The following TLN2 variants were observed in gnomAD, a reference collection of about 807,000 sequenced individuals.
The protein encoded by TLN2 is talin 2.
Under a neutral mutation model 294.7 loss-of-function variants are expected in TLN2, and 118 were observed. The observed-to-expected ratio is 0.40, with a 90% CI of 0.34 to 0.47. The LOEUF (loss-of-function observed/expected upper bound fraction) is 0.47. TLN2 is among the 20% of genes least tolerant of loss of function. The pLI, the probability that TLN2 is intolerant of heterozygous loss-of-function variation, is 0.84. For missense variants in TLN2, 3,083 were observed against 3,282.2 expected (o/e 0.94, Z 1.48); for synonymous variants, 1,431 against 1,304.5 (o/e 1.10, Z -2.09).
chr15:62,492,892 T>A (rs1176039171), intron 1 of TLN2, among the ~76,000 whole-genome samples: 1 of 152,222 alleles, frequency 6.6e-6, no homozygotes, highest in East Asian at 1.9e-4. Flanking sequence ...AAGAGGATTT[T>A]CAATGCTGCT....
In TLN2 at chr15:62,841,573, C is replaced by T. The variant is rs183900451; in HGVS notation, c.*963C>T. 2.0e-5 allele frequency: 3 copies of T among 152,266 alleles called. No individual in the cohort carries two copies. The highest frequency in any genetic ancestry group is 1.9e-4 in the East Asian group (1 of 5,188). 9.4% of individuals were successfully genotyped at this position (152,266 alleles called of 1,614,324 possible). A position where few individuals can be genotyped will look rare whatever the true frequency, so the allele number is the denominator to read the frequency against. On this transcript the variant is annotated 3_prime_UTR_variant, in exon 59 of 59. Coordinates refer to ENST00000636159, the MANE Select transcript of TLN2 (RefSeq NM_015059.3). ...ATCTGCTTACAAACCTGTCCCCTGT[C>T]CTCCAACCCAAAACGCCTTTTTTTC...
intron 42 of TLN2, among the ~76,000 whole-genome samples, chr15:62,775,599 A>T (rs1285078273): frequency 6.6e-6 from 1 of 152,234 alleles, no homozygotes; most frequent in Non-Finnish European, 1.5e-5. Flanking sequence ...AGACATGGCC[A>T]GTTCCTGTGG....
rs769369365 is a variant in TLN2, at chr15:62,653,350, C to T, written c.517+36C>T. The T allele has an allele frequency of 1.9e-6, 3 of 1,583,094 alleles. No homozygotes were observed. In the East Asian group the frequency reaches 6.8e-5, roughly 36 times the overall value. ...GCAGAGGAAGCATGATACAGACACA[C>T]AGGCTTTGCTAAGCCTCACTTCCCT... On this transcript the variant is annotated intron_variant, in intron 7 of 58. Coordinates refer to ENST00000636159, the MANE Select transcript of TLN2 (RefSeq NM_015059.3).
rs150006326 is a variant in TLN2 at position 62,478,133 on chromosome 15, A to G, written c.-238+87448A>G. 3.2e-4 allele frequency among the ~76,000 whole-genome samples: 49 copies of G among 152,316 alleles called. 1 individual carries two copies. The East Asian group carries it at 6.2e-3, about 19-fold the overall frequency. On this transcript the variant is annotated intron_variant, in intron 1 of 58. Coordinates refer to ENST00000636159, the MANE Select transcript of TLN2 (RefSeq NM_015059.3). ...TGTAACTTAACCCTCCCTGCAGCCC[A>G]GGAGGCAGGTGCAGCCTCTGATTTA...
intron 14 of TLN2, among the ~76,000 whole-genome samples, chr15:62,695,060 A>G (rs1010992563): frequency 2.6e-5 from 4 of 152,226 alleles, no homozygotes; most frequent in African/African-American, 9.7e-5. Flanking sequence ...TATTATAACT[A>G]TCATCCTCAT....
intron 53 of TLN2, among the ~76,000 whole-genome samples, chr15:62,820,024 A>G (rs1053645611): frequency 3.3e-5 from 5 of 152,214 alleles, no homozygotes; most frequent in Admixed American, 2.6e-4. Context: ...CATAGAAGCA[A>G]TCAACCCACC....
At chr15:62,565,852 C>T (rs1321145700) in intron 1 of TLN2, among the ~76,000 whole-genome samples, 3 of 152,060 alleles carry the variant, frequency 2.0e-5, no homozygotes, top group Admixed American at 6.6e-5. Flanking sequence ...GCATTTGGCC[C>T]TGGCATAGCA....
At chr15:62,428,436 C>T (rs2034834241) in intron 1 of TLN2, among the ~76,000 whole-genome samples, 1 of 152,168 alleles carries the variant, frequency 6.6e-6, no homozygotes, top group Non-Finnish European at 1.5e-5. Flanking sequence ...TAATGTTTGT[C>T]CCTCTAGAAT....
At chr15:62,471,363 G>A (rs577737334) in intron 1 of TLN2, among the ~76,000 whole-genome samples, 70 of 152,298 alleles carry the variant, frequency 4.6e-4, no homozygotes, top group Admixed American at 4.6e-4. Flanking sequence ...ACACAAAATT[G>A]TTGCCATACT....
chr15:62,825,304 C>T (rs1208857497), intron 54 of TLN2, among the ~76,000 whole-genome samples: 1 of 152,080 alleles, frequency 6.6e-6, no homozygotes, highest in South Asian at 2.1e-4. Context: ...CAAGTTATTA[C>T]GAACAAAGAA....
intron 1 of TLN2, among the ~76,000 whole-genome samples, chr15:62,569,616 C>G (rs1393018428): frequency 6.6e-6 from 1 of 152,200 alleles, no homozygotes; most frequent in Non-Finnish European, 1.5e-5. Context: ...GGATATCTCT[C>G]TTTGCTTCTT....
chr15:62,674,854 C>G (rs539243715), intron 10 of TLN2, among the ~76,000 whole-genome samples: 1 of 152,304 alleles, frequency 6.6e-6, no homozygotes, highest in East Asian at 1.9e-4. Context: ...AGAACTTTTT[C>G]TTGGTATCAT....
intron 1 of TLN2, among the ~76,000 whole-genome samples, chr15:62,447,320 C>T (rs1208117722): frequency 6.6e-6 from 1 of 151,852 alleles, no homozygotes; most frequent in African/African-American, 2.4e-5. Flanking sequence ...GGTAGTGGGT[C>T]CAGAACGTCG....
Position 62,425,304 on chromosome 15 carries a change from G to A in TLN2, c.-238+34619G>A, listed in dbSNP as rs148187496. 2.7e-5 allele frequency among the ~76,000 whole-genome samples: 4 copies of A among 150,518 alleles called. No individual in the cohort carries two copies. The East Asian group carries it at 7.8e-4, about 29-fold the overall frequency. Reference sequence around the variant, plus strand: ...TGATTCTAATGTGCTGCTGCTAGGGGATGAGCACCCCTGGGGAATACTGCC... The same window carrying A: ...TGATTCTAATGTGCTGCTGCTAGGGAATGAGCACCCCTGGGGAATACTGCC... On this transcript the variant is annotated intron_variant, in intron 1 of 58. Transcript: ENST00000636159.
At chr15:62,429,049 G>A (rs945746533) in intron 1 of TLN2, among the ~76,000 whole-genome samples, 1 of 150,848 alleles carries the variant, frequency 6.6e-6, no homozygotes, top group Non-Finnish European at 1.5e-5. Flanking sequence ...TCTGGAGACC[G>A]GCCCTGGAGC....
In TLN2 at chr15:62,800,730, G is replaced by T. The variant is rs769514789; in HGVS notation, c.6438G>T (p.Ala2146=). Residue 2146 remains alanine, a synonymous_variant, in exon 50 of 59, where the codon GCG becomes GCT. Coordinates refer to ENST00000636159, the MANE Select transcript of TLN2 (RefSeq NM_015059.3). Reference sequence around the variant, plus strand: ...ATGAGGCCACCCGGGGCACCAGGGCGCTTGAGGCCACAATTGAATGCATAA... The same window carrying T: ...ATGAGGCCACCCGGGGCACCAGGGCTCTTGAGGCCACAATTGAATGCATAA... ...VEDEATRGTR[A]LEATIECIKQ... is the part of the protein sequence containing the mutation. The T allele has an allele frequency of 6.2e-6, 10 of 1,613,438 alleles. No homozygotes were observed. The highest frequency in any genetic ancestry group is 8.5e-6 in the Non-Finnish European group (10 of 1,179,760).
chr15:62,670,982 G>A (rs961885291), intron 9 of TLN2, among the ~76,000 whole-genome samples: 3 of 152,104 alleles, frequency 2.0e-5, no homozygotes, highest in African/African-American at 2.4e-5. Flanking sequence ...CCATCCTCGC[G>A]GGTATGTATT....
rs559160768 is a variant in TLN2, at chr15:62,442,670, T to A, written c.-238+51985T>A. On this transcript the variant is annotated intron_variant, in intron 1 of 58. Coordinates refer to ENST00000636159, the MANE Select transcript of TLN2 (RefSeq NM_015059.3). ...TGTGTGAGATAATAGAAAAAAAAAATTTGTTTTTTCTTTCTCTATATTTTA... is the reference window on the plus strand; with the variant it reads ...TGTGTGAGATAATAGAAAAAAAAAAATTGTTTTTTCTTTCTCTATATTTTA... 1.8e-3 allele frequency among the ~76,000 whole-genome samples: 267 copies of A among 151,836 alleles called. 1 individual carries two copies. The highest frequency in any genetic ancestry group is 5.2e-3 in the African/African-American group (215 of 41,378).
chr15:62,682,018 G>C (rs561982485), intron 11 of TLN2, among the ~76,000 whole-genome samples: 23 of 152,272 alleles, frequency 1.5e-4, no homozygotes, highest in African/African-American at 4.3e-4. Flanking sequence ...GTTTCCCAAA[G>C]TGTTGGGATT....
Sources: gnomAD v4.1 joint callset for allele counts (sites outside exome capture counted in the v4.1 genomes callset) on GRCh38, gnomAD v4.1.1 for gene constraint, MANE v1.5 for transcripts, NCBI Gene and HGNC (gene_info 2026-07-23, HGNC 2026-07-21) for gene names.